The following SLC41A3 variants were observed in gnomAD, a reference collection of about 807,000 sequenced individuals.
SLC41A3 encodes the protein solute carrier family 41 member 3.
SLC41A3 carries 44 observed loss-of-function variants against 45.4 expected under a neutral mutation model. That is an observed-to-expected ratio of 0.97 (90% CI 0.76 to 1.25). The LOEUF (loss-of-function observed/expected upper bound fraction) is 1.25, where lower values mean the gene tolerates loss of function less well. SLC41A3 is among the 50% of genes most tolerant of loss of function. The pLI, the probability that SLC41A3 is intolerant of heterozygous loss-of-function variation, is 0.00. For synonymous variants in SLC41A3, 256 were observed against 252.4 expected, an observed-to-expected ratio of 1.01 and a Z score of -0.13; for missense variants, 550 against 600.6, an observed-to-expected ratio of 0.92 and a Z score of 0.88.
chr3:126,035,668 T>C (rs1471919955), intron 3 of SLC41A3, among the ~76,000 whole-genome samples: 1 of 152,186 alleles, frequency 6.6e-6, no homozygotes, highest in African/African-American at 2.4e-5. Context: ...TATGATCAGA[T>C]ACCAAGAGTG....
In SLC41A3 at chr3:126,006,923, C is replaced by A; in HGVS notation, c.*93G>T. The A allele has an allele frequency of 6.3e-7, 1 of 1,575,222 alleles. No individual in the cohort carries two copies. Among genetic ancestry groups the A allele is most frequent in the Middle Eastern group, 1.7e-4 (1 of 5,854 alleles). ...GGCTACTGCAGAGGCAGGGGTCAAC[C>A]ATCCCAAGGACCTGGCAAGGGAGAA... On this transcript the variant is annotated 3_prime_UTR_variant, in exon 11 of 11. Coordinates refer to ENST00000360370, the MANE Select transcript of SLC41A3 (RefSeq NM_017836.4).
chr3:126,015,137 A>T (rs906543536), intron 8 of SLC41A3, among the ~76,000 whole-genome samples: 2 of 152,248 alleles, frequency 1.3e-5, no homozygotes, highest in African/African-American at 4.8e-5. Context: ...CACAAGAGCC[A>T]GCGCCCCGGT....
At chr3:126,032,245 C>A (rs907349316) in intron 4 of SLC41A3, among the ~76,000 whole-genome samples, 1 of 152,178 alleles carries the variant, frequency 6.6e-6, no homozygotes, top group East Asian at 1.9e-4. Context: ...TTTAGAAAGG[C>A]CACCCAGGTG....
At chr3:126,035,437 T>G (rs1363640401) in intron 3 of SLC41A3, among the ~76,000 whole-genome samples, 3 of 152,128 alleles carry the variant, frequency 2.0e-5, no homozygotes, top group Non-Finnish European at 4.4e-5. Flanking sequence ...AGCTGCGGGT[T>G]TGGGTGGAGG....
chr3:126,033,553 G>T, intron 4 of SLC41A3, 54 bp downstream of exon 4: 1 of 1,580,236 alleles, frequency 6.3e-7, no homozygotes, highest in Admixed American at 1.8e-5. Context: ...CTTCCCACCT[G>T]GGGAAGCCTG....
At chr3:126,032,326 C>A (rs888006155) in intron 4 of SLC41A3, among the ~76,000 whole-genome samples, 23 of 152,170 alleles carry the variant, frequency 1.5e-4, no homozygotes, top group African/African-American at 5.1e-4. Flanking sequence ...ACTATCCAGG[C>A]AGGGGAGGAG....
chr3:126,084,704 G>T (rs1486343322), upstream of SLC41A3, among the ~76,000 whole-genome samples: 1 of 152,154 alleles, frequency 6.6e-6, no homozygotes, highest in African/African-American at 2.4e-5. Context: ...GCAATTCCCA[G>T]TCCGGGCCTG....
intron 1 of SLC41A3, among the ~76,000 whole-genome samples, chr3:126,081,903 G>A (rs1945172883): frequency 6.6e-6 from 1 of 152,246 alleles, no homozygotes; most frequent in Non-Finnish European, 1.5e-5. Flanking sequence ...GGCAGGTGCT[G>A]GCGCAGCCCT....
intron 2 of SLC41A3, 72 bp from the exon 3 acceptor site, chr3:126,051,122 C>T (rs948551220): frequency 3.0e-5 from 44 of 1,444,272 alleles, no homozygotes; most frequent in Middle Eastern, 3.6e-4. Flanking sequence ...CTTGAGAGAA[C>T]CTTCAGCAAG....
At chr3:126,067,734 G>A (rs951275340) in intron 2 of SLC41A3, 2 of 599,200 alleles carry the variant, frequency 3.3e-6, no homozygotes, top group Non-Finnish European at 5.7e-6. Flanking sequence ...CAATCATATG[G>A]GCTAATAAAT....
At chr3:126,059,300 A>AGAGAG (rs1943915678) in intron 2 of SLC41A3, among the ~76,000 whole-genome samples, 2 of 102,712 alleles carry the variant, frequency 1.9e-5, no homozygotes, top group Non-Finnish European at 4.4e-5. Flanking sequence ...GAAAGAAAGA[A>AGAGAG]AGAAAGAAAG....
intron 1 of SLC41A3, among the ~76,000 whole-genome samples, chr3:126,069,036 C>T (rs1043618407): frequency 9.9e-5 from 15 of 151,698 alleles, no homozygotes; most frequent in Non-Finnish European, 1.8e-4. Flanking sequence ...ACAGGGGTTT[C>T]GAAAAATTCC....
chr3:126,076,541 A>G (rs1299507283), intron 1 of SLC41A3, among the ~76,000 whole-genome samples: 1 of 152,234 alleles, frequency 6.6e-6, no homozygotes, highest in African/African-American at 2.4e-5. Context: ...GGTGAATTTT[A>G]TGGTATGAAC....
At chr3:126,028,239 C>G (rs973734754) in intron 4 of SLC41A3, among the ~76,000 whole-genome samples, 2 of 152,252 alleles carry the variant, frequency 1.3e-5, no homozygotes, top group Admixed American at 6.5e-5. Context: ...CCCTCACAGG[C>G]CCAGAGGCCT....
chr3:126,028,450 G>C (rs1181712969), intron 4 of SLC41A3, among the ~76,000 whole-genome samples: 1 of 152,288 alleles, frequency 6.6e-6, no homozygotes, highest in Non-Finnish European at 1.5e-5. Context: ...CGGTTGCACA[G>C]AGTGCAAAGT....
intron 6 of SLC41A3, 34 bp downstream of exon 6, chr3:126,022,752 A>C (rs756079874): frequency 6.2e-7 from 1 of 1,612,220 alleles, no homozygotes; most frequent in Non-Finnish European, 8.5e-7. Context: ...CCCTCCACGG[A>C]GCCTTTGTGT....
At chr3:126,063,486 G>C (rs1944177365) in intron 2 of SLC41A3, among the ~76,000 whole-genome samples, 3 of 152,210 alleles carry the variant, frequency 2.0e-5, no homozygotes, top group African/African-American at 7.2e-5. Context: ...TCAGCGCAGT[G>C]GCCAAGCATC....
intron 2 of SLC41A3, among the ~76,000 whole-genome samples, chr3:126,066,846 C>A (rs999054362): frequency 6.6e-6 from 1 of 152,130 alleles, no homozygotes; most frequent in Admixed American, 6.5e-5. Context: ...TAAGACAAAC[C>A]TTTGATCATC....
intron 2 of SLC41A3, chr3:126,056,379 G>C (rs933799477): frequency 2.5e-6 from 4 of 1,614,150 alleles, no homozygotes; most frequent in Non-Finnish European, 1.7e-6. Flanking sequence ...TCATCACCAG[G>C]CCGGCTGTCA....
Sources: gnomAD v4.1 joint callset for allele counts (sites outside exome capture counted in the v4.1 genomes callset) on GRCh38, gnomAD v4.1.1 for gene constraint, MANE v1.5 for transcripts, NCBI Gene and HGNC (gene_info 2026-07-23, HGNC 2026-07-21) for gene names.